Variants in SYNE2 observed in about 807,000 individuals in gnomAD.
The protein encoded by SYNE2 is spectrin repeat containing nuclear envelope protein 2.
In SYNE2, 431 loss-of-function variants were observed where a neutral mutation model predicts 856.3. The ratio of observed to expected loss-of-function variants is 0.50; its 90% CI spans 0.47 to 0.55. SYNE2 has a LOEUF of 0.55. SYNE2 is among the 20% of genes least tolerant of loss of function. The probability of loss-of-function intolerance (pLI) is 0.00; values close to 1 mark genes in which losing one functional copy is unlikely to be tolerated. For synonymous variants in SYNE2, 2,923 were observed against 2,872.3 expected, an observed-to-expected ratio of 1.02 and a Z score of -0.56; for missense variants, 8,129 against 8,023.2, an observed-to-expected ratio of 1.01 and a Z score of -0.50.
chr14:63,785,161 C>T (rs1007533266), intron 1 of SYNE2, among the ~76,000 whole-genome samples: 6 of 152,158 alleles, frequency 3.9e-5, no homozygotes, highest in East Asian at 3.9e-4. Context: ...CACCCTTAAT[C>T]GGAATTGGCA....
chr14:64,113,520 A>G lies in SYNE2; in HGVS notation c.12789A>G (p.Thr4263=), dbSNP rs758137311. The change falls in exon 66 of 116, where the codon ACA becomes ACG. Residue 4263 remains threonine, a synonymous_variant. Transcript: ENST00000555002. ...QQANVAVEPE[T]LNADMQQVLE... is the part of the protein sequence containing the mutation. ...CCAACGTGGCAGTTGAGCCGGAAAC[A>G]TTAAACGCAGACATGCAGCAGGTGC... 12 of 1,613,884 alleles carry G rather than the reference A, an allele frequency of 7.4e-6. No homozygotes were observed. Among genetic ancestry groups the G allele is most frequent in the Non-Finnish European group, 1.0e-5 (12 of 1,179,888 alleles).
chr14:64,195,832 C>A (rs145446405), intron 99 of SYNE2, among the ~76,000 whole-genome samples: 5 of 152,300 alleles, frequency 3.3e-5, no homozygotes, highest in African/African-American at 1.2e-4. Context: ...GTTGCCTGAT[C>A]CAGTGGGACT....
At chr14:64,171,269 C>T (rs1470582089) in intron 94 of SYNE2, among the ~76,000 whole-genome samples, 2 of 152,214 alleles carry the variant, frequency 1.3e-5, no homozygotes, top group African/African-American at 2.4e-5. Flanking sequence ...AAATCCTGTA[C>T]AGCCCTCACT....
intron 96 of SYNE2, among the ~76,000 whole-genome samples, 200 bp downstream of exon 96, chr14:64,177,683 G>C (rs574224524): frequency 1.3e-5 from 2 of 152,304 alleles, no homozygotes; most frequent in East Asian, 3.9e-4. Flanking sequence ...TTGAAGACGA[G>C]AAAGACTTTT....
chr14:64,100,530 AAATATATAT>A (rs1422496336), intron 63 of SYNE2, among the ~76,000 whole-genome samples: 6 of 63,856 alleles, frequency 9.4e-5, no homozygotes, highest in African/African-American at 4.0e-4. Context: ...AAAAAAAAAA[AAATATATAT>A]ATATATATAT....
At position 64,133,192 on chromosome 14, in the gene SYNE2, C is replaced by T. The variant is rs1232784950; in HGVS notation, c.14514+754C>T. 7.5e-5 allele frequency among the ~76,000 whole-genome samples: 11 copies of T among 145,886 alleles called. 1 individual carries two copies. In the South Asian group the frequency reaches 1.7e-3, roughly 23 times the overall value. ...CTGCACTCCAGCCTGGGCGACAGAG[C>T]GAGACTCTGTCTCAAAAAAAAAAAG... On this transcript the variant is annotated intron_variant, in intron 77 of 115. Coordinates refer to ENST00000555002, the MANE Select transcript of SYNE2 (RefSeq NM_182914.3).
In SYNE2 at chr14:64,125,158, A is replaced by C. The variant is rs773100849; in HGVS notation, c.13502A>C (p.Tyr4501Ser). 1 of 1,614,222 alleles carries C rather than the reference A, an allele frequency of 6.2e-7. No homozygotes were observed. The highest frequency in any genetic ancestry group is 1.1e-5 in the South Asian group (1 of 91,086). ...CCAACAACTGAAGAACTGAAAACCT[A>C]TACCACCCAACTTGAAGACCTGCGC... ...RYPTTEELKT[Y>S]TTQLEDLRQE... is the part of the protein sequence containing the mutation. Residue 4501 changes from tyrosine (Y) to serine (S), a missense_variant, in exon 71 of 116, where the codon TAT becomes TCT. Around this residue, in one of 3 missense-constraint regions of SYNE2, gnomAD observed 5,410 missense variants for 5,284.8 expected, o/e 1.02. Coordinates refer to ENST00000555002, the MANE Select transcript of SYNE2 (RefSeq NM_182914.3).
intron 106 of SYNE2, 79 bp downstream of exon 106, chr14:64,214,549 T>C: frequency 7.1e-7 from 1 of 1,400,762 alleles, no homozygotes; most frequent in South Asian, 1.2e-5. Context: ...CGGCCAGCTC[T>C]CAATGACCAA....
At chr14:63,974,529 C>CA (rs938820616) in intron 11 of SYNE2, among the ~76,000 whole-genome samples, 5 of 151,976 alleles carry the variant, frequency 3.3e-5, no homozygotes, top group African/African-American at 1.2e-4. Context: ...GATAAACATT[C>CA]AAACTGTACA....
chr14:63,876,707 C>T (rs190382026), intron 1 of SYNE2, among the ~76,000 whole-genome samples: 2,083 of 152,178 alleles, frequency 0.014, 42 homozygotes, highest in African/African-American at 0.047. Context: ...AGGATGGTCT[C>T]GATCTCCTGA....
At chr14:63,798,485 C>G (rs1233639969) in intron 1 of SYNE2, among the ~76,000 whole-genome samples, 1 of 151,674 alleles carries the variant, frequency 6.6e-6, no homozygotes, top group Non-Finnish European at 1.5e-5. Context: ...CCTCCGCCTC[C>G]TAGGCTCAAG....
At chr14:63,862,803 G>T (rs1022804962) in intron 1 of SYNE2, among the ~76,000 whole-genome samples, 100 of 148,738 alleles carry the variant, frequency 6.7e-4, no homozygotes, top group African/African-American at 2.3e-3. Flanking sequence ...TTTTTGTTTT[G>T]TTTTGTTTTT....
chr14:64,120,091 C>A (rs1339722004), intron 67 of SYNE2, among the ~76,000 whole-genome samples: 1 of 152,132 alleles, frequency 6.6e-6, no homozygotes, highest in Non-Finnish European at 1.5e-5. Flanking sequence ...TTTAAAAGCA[C>A]TCTGTGTTTA....
At position 64,021,768 on chromosome 14, in the gene SYNE2, A is replaced by AT. The variant is rs2096937659; in HGVS notation, c.5353-84dup. ...ATCCACTCAACAGAGAGTCATTGAG[A>AT]TTTTTACAAAACAATTGAGATCTAA... On this transcript the variant is annotated intron_variant, in intron 36 of 115. Coordinates refer to ENST00000555002, the MANE Select transcript of SYNE2 (RefSeq NM_182914.3). 4 of 1,445,918 alleles carry AT rather than the reference A, an allele frequency of 2.8e-6. No individual in the cohort carries two copies. The African/African-American group carries it at 5.6e-5, about 20-fold the overall frequency. 89.6% of individuals were successfully genotyped at this position (1,445,918 alleles called of 1,614,324 possible).
intron 94 of SYNE2, chr14:64,174,143 CT>C (rs1409638165): frequency 7.3e-6 from 3 of 411,030 alleles, no homozygotes; most frequent in African/African-American, 6.2e-5. Context: ...GTGATCTTGG[CT>C]CACTGCAATC....
intron 64 of SYNE2, among the ~76,000 whole-genome samples, chr14:64,105,314 G>C (rs1048989160): frequency 6.6e-6 from 1 of 152,238 alleles, no homozygotes; most frequent in South Asian, 2.1e-4. Context: ...CAAACTTAGC[G>C]TGACATTCCA....
chr14:64,024,645 T>C (rs1311990005), intron 39 of SYNE2, among the ~76,000 whole-genome samples, 186 bp downstream of exon 39: 3 of 152,248 alleles, frequency 2.0e-5, no homozygotes, highest in Non-Finnish European at 4.4e-5. Flanking sequence ...CATTGTCTAA[T>C]GTAGCAAAGG....
At chr14:63,793,438 C>T (rs147134423) in intron 1 of SYNE2, among the ~76,000 whole-genome samples, 108 of 152,322 alleles carry the variant, frequency 7.1e-4, no homozygotes, top group African/African-American at 2.5e-3. Flanking sequence ...TCCATTTCTA[C>T]TGTCGATAAA....
Position 64,212,220 on chromosome 14 carries a change from G to C in SYNE2, c.18861+122G>C, listed in dbSNP as rs183603811. 8.5e-5 allele frequency: 127 copies of C among 1,492,846 alleles called. No individual in the cohort carries two copies. The African/African-American group carries it at 1.5e-3, about 17-fold the overall frequency. 92.5% of individuals were successfully genotyped at this position (1,492,846 alleles called of 1,614,324 possible). A position where few individuals can be genotyped will look rare whatever the true frequency, so the allele number is the denominator to read the frequency against. On this transcript the variant is annotated intron_variant, in intron 104 of 115. Coordinates refer to ENST00000555002, the MANE Select transcript of SYNE2 (RefSeq NM_182914.3). ...ATTTCAGAATTCTTAAAGCAGCCAGGCTACATCCCACCTGTGTACTACCAG... is the reference window on the plus strand; with the variant it reads ...ATTTCAGAATTCTTAAAGCAGCCAGCCTACATCCCACCTGTGTACTACCAG...
Sources: allele counts gnomAD v4.1 joint callset (sites outside exome capture counted in the v4.1 genomes callset), GRCh38; gene constraint gnomAD v4.1.1; regional missense constraint gnomAD v4.1.1; transcripts MANE v1.5; gene names NCBI Gene and HGNC (gene_info 2026-07-23, HGNC 2026-07-21).